The following SP140 variants were observed in gnomAD, a reference collection of about 807,000 sequenced individuals.
SP140 encodes SP140 nuclear body protein.
A neutral mutation model predicts 125.0 loss-of-function variants in SP140; 81 were observed. The observed-to-expected ratio is 0.65, with a 90% CI of 0.54 to 0.78. The LOEUF (loss-of-function observed/expected upper bound fraction) is 0.78, where lower values mean the gene tolerates loss of function less well. Among genes scored for constraint, SP140 ranks in the 30% least tolerant of loss-of-function variants. The pLI, the probability that SP140 is intolerant of heterozygous loss-of-function variation, is 0.00. For missense variants in SP140, 858 were observed against 1,037.0 expected, an observed-to-expected ratio of 0.83 and a Z score of 2.37; for synonymous variants, 312 against 354.0, an observed-to-expected ratio of 0.88 and a Z score of 1.33.
At chr2:230,255,199 G>C (rs28693552) in intron 11 of SP140, among the ~76,000 whole-genome samples, 21,834 of 152,118 alleles carry the variant, frequency 0.14, 1,738 homozygotes, top group Middle Eastern at 0.22. Flanking sequence ...AAAGGGGGAG[G>C]GGGAGAAGGA....
At chr2:230,247,796 G>C (rs750594860) in intron 7 of SP140, 120 bp from the exon 8 acceptor site, 2 of 946,220 alleles carry the variant, frequency 2.1e-6, no homozygotes, top group Non-Finnish European at 3.2e-6. Context: ...TTTCCTAAAG[G>C]CTTAGCCCTG....
chr2:230,233,711 T>C (rs898187679), intron 1 of SP140, among the ~76,000 whole-genome samples: 4 of 152,264 alleles, frequency 2.6e-5, no homozygotes, highest in African/African-American at 9.6e-5. Flanking sequence ...ATAAAACTTT[T>C]CAAAATAGAA....
chr2:230,233,369 A>G (rs1207132041), intron 1 of SP140, among the ~76,000 whole-genome samples: 1 of 152,194 alleles, frequency 6.6e-6, no homozygotes, highest in East Asian at 1.9e-4. Context: ...CCTGGGTGAC[A>G]GAGCGAGATT....
chr2:230,289,398 T>C (rs1280791659), intron 18 of SP140, among the ~76,000 whole-genome samples: 1 of 152,254 alleles, frequency 6.6e-6, no homozygotes, highest in Non-Finnish European at 1.5e-5. Context: ...AAAAATTTTC[T>C]TTCATTCTGT....
chr2:230,193,182 T>C, the SP140 span, among the ~76,000 whole-genome samples: 1 of 152,346 alleles, frequency 6.6e-6, no homozygotes, highest in Admixed American at 6.5e-5. Context: ...TCCTGTTTAC[T>C]TTTGGTTTCC....
chr2:230,228,433 C>T (rs1314544556), intron 1 of SP140, among the ~76,000 whole-genome samples: 3 of 152,290 alleles, frequency 2.0e-5, no homozygotes, highest in South Asian at 2.1e-4. Context: ...AGGTCAACTA[C>T]ACCCTTACTG....
intron 12 of SP140, among the ~76,000 whole-genome samples, chr2:230,264,519 G>T (rs2052753373): frequency 6.6e-6 from 1 of 152,114 alleles, no homozygotes; most frequent in Non-Finnish European, 1.5e-5. Context: ...TGGTGAACTA[G>T]TGTGATTTTT....
At chr2:230,216,303 C>T (rs1011078713) in intron 3 of SP140, among the ~76,000 whole-genome samples, 4 of 152,104 alleles carry the variant, frequency 2.6e-5, no homozygotes, top group African/African-American at 4.8e-5. Flanking sequence ...ATTAGGGTGA[C>T]CCTAAATCCA....
chr2:230,245,378 T>G (rs1177426332), intron 6 of SP140, among the ~76,000 whole-genome samples: 1 of 152,178 alleles, frequency 6.6e-6, no homozygotes, highest in African/African-American at 2.4e-5. Context: ...ATCTAAATCC[T>G]ACCAGGATGG....
At chr2:230,223,651 T>A (rs559028624), upstream of SP140, among the ~76,000 whole-genome samples, 1 of 152,204 alleles carries the variant, frequency 6.6e-6, no homozygotes, top group Non-Finnish European at 1.5e-5. Flanking sequence ...CTGACATAAT[T>A]GGACATAAAA....
chr2:230,264,748 G>T (rs117097577), intron 12 of SP140, among the ~76,000 whole-genome samples: 3 of 152,290 alleles, frequency 2.0e-5, no homozygotes, highest in East Asian at 3.9e-4. Flanking sequence ...TCTCTTTTCT[G>T]GGTCTAGTGA....
At chr2:230,200,735 G>T (rs2043094059), upstream of SP140, 3 of 687,326 alleles carry the variant, frequency 4.4e-6, no homozygotes, top group Non-Finnish European at 7.9e-6. Context: ...TCATGGGAAG[G>T]GTCTTGATTA....
chr2:230,197,250 T>C, the SP140 span, among the ~76,000 whole-genome samples: 2 of 149,924 alleles, frequency 1.3e-5, no homozygotes, highest in African/African-American at 2.4e-5. Flanking sequence ...TGGTGTGAGA[T>C]GGTATCTCAT....
chr2:230,245,963 CTTTA>C (rs763166107), intron 7 of SP140, 23 bp downstream of exon 7: 1 of 1,428,748 alleles, frequency 7.0e-7, no homozygotes, highest in South Asian at 1.1e-5. Flanking sequence ...TAAATTAAAG[CTTTA>C]TTTTTCTGTC....
rs1053360597 is a variant in SP140, at chr2:230,270,475, A to C, written c.1445-111A>C. ...TTCCCCTAGAAGAAAGAGAGGAATG[A>C]TTATCCAAGCATCTGTATAAACTCA... is the stretch of plus-strand genomic sequence containing the variant. On this transcript the variant is annotated intron_variant, in intron 14 of 26. Coordinates refer to ENST00000392045, the MANE Select transcript of SP140 (RefSeq NM_007237.5). 18 of 1,108,130 alleles carry C rather than the reference A, an allele frequency of 1.6e-5. No individual in the cohort carries two copies. The African/African-American group carries it at 2.6e-4, about 16-fold the overall frequency. The allele number at this position is 1,108,130 out of a possible 1,614,324, so 68.6% of individuals were successfully genotyped here.
intron 26 of SP140, 69 bp downstream of exon 26, chr2:230,311,664 A>G (rs1378473523): frequency 1.9e-6 from 3 of 1,592,288 alleles, no homozygotes; most frequent in East Asian, 2.2e-5. Context: ...TGCCAAGAAA[A>G]ATTTAGTTTC....
intron 9 of SP140, among the ~76,000 whole-genome samples, chr2:230,249,351 G>A (rs2149208916): frequency 6.6e-6 from 1 of 152,188 alleles, no homozygotes; most frequent in Non-Finnish European, 1.5e-5. Flanking sequence ...CTGGAGCACA[G>A]ACATGTTTTG....
At chr2:230,238,149 A>G (rs1001248491) in intron 2 of SP140, 64 bp from the exon 3 acceptor site, 4 of 1,188,850 alleles carry the variant, frequency 3.4e-6, no homozygotes, top group Non-Finnish European at 3.6e-6. Flanking sequence ...TCTATCTACA[A>G]CCTAAAAGTC....
chr2:230,309,057 C>T (rs1358512934), intron 22 of SP140, among the ~76,000 whole-genome samples: 1 of 152,102 alleles, frequency 6.6e-6, no homozygotes, highest in Admixed American at 6.5e-5. Context: ...GATGCAAATA[C>T]CATCATATTT....
Sources: allele counts gnomAD v4.1 joint callset (sites outside exome capture counted in the v4.1 genomes callset), GRCh38; gene constraint gnomAD v4.1.1; transcripts MANE v1.5; gene names NCBI Gene and HGNC (gene_info 2026-07-23, HGNC 2026-07-21).